Variants in PTPN12 observed in about 807,000 individuals in gnomAD.
PTPN12 encodes the protein tyrosine-protein phosphatase non-receptor type 12.
In PTPN12, 29 loss-of-function variants were observed where a neutral mutation model predicts 97.6. The observed-to-expected ratio is 0.30, with a 90% CI of 0.22 to 0.41. The LOEUF (loss-of-function observed/expected upper bound fraction) is 0.41. Ranked by LOEUF, PTPN12 falls within the 10% of genes least tolerant of loss-of-function variation. The pLI is 1.00. For missense variants in PTPN12, 819 were observed against 926.0 expected (o/e 0.88, Z 1.50); for synonymous variants, 327 against 300.4 (o/e 1.09, Z -0.91).
At chr7:77,605,552 T>C (rs974201979) in intron 8 of PTPN12, among the ~76,000 whole-genome samples, 9 of 151,032 alleles carry the variant, frequency 6.0e-5, no homozygotes, top group Non-Finnish European at 1.3e-4. Context: ...CCCAAGTAGC[T>C]GGGATTACAG....
At position 77,553,388 on chromosome 7, in the gene PTPN12, C is replaced by T. The variant is rs192737757; in HGVS notation, c.99+15743C>T. 2.5e-4 allele frequency among the ~76,000 whole-genome samples: 38 copies of T among 152,278 alleles called. 1 individual carries two copies. Among genetic ancestry groups the T allele is most frequent in the Admixed American group, 2.1e-3 (32 of 15,294 alleles). ...TCTGTCCATTTCTGATAGAGGAGTACGGAAGTCTTCAACTATAATAGTGGA... is the reference window on the plus strand; with the variant it reads ...TCTGTCCATTTCTGATAGAGGAGTATGGAAGTCTTCAACTATAATAGTGGA... On this transcript the variant is annotated intron_variant, in intron 1 of 17. Transcript: ENST00000248594.
chr7:77,637,129 A>G (rs1209567959), intron 16 of PTPN12, 81 bp downstream of exon 16: 2 of 1,115,506 alleles, frequency 1.8e-6, no homozygotes, highest in Non-Finnish European at 2.6e-6. Context: ...TTCATAGTTC[A>G]TGCTATATAG....
chr7:77,634,765 A>G (rs1442737482), intron 14 of PTPN12, among the ~76,000 whole-genome samples: 1 of 151,150 alleles, frequency 6.6e-6, no homozygotes, highest in Admixed American at 6.6e-5. Context: ...TTTTTAGTAG[A>G]GACAGGGTTT....
intron 1 of PTPN12, among the ~76,000 whole-genome samples, chr7:77,566,172 C>G (rs550976658): frequency 6.6e-6 from 1 of 152,300 alleles, no homozygotes; most frequent in Admixed American, 6.5e-5. Flanking sequence ...AGGGTTACTG[C>G]TAGTCATAGT....
At chr7:77,612,787 G>T (rs531173881) in intron 11 of PTPN12, among the ~76,000 whole-genome samples, 2 of 149,252 alleles carry the variant, frequency 1.3e-5, no homozygotes, top group South Asian at 2.1e-4. Context: ...TTGTTTTTTG[G>T]TTTTTGGTTT....
In PTPN12 at chr7:77,583,422, A is replaced by AT. The variant is rs1336165844; in HGVS notation, c.286-133_286-132insT. On this transcript the variant is annotated intron_variant, in intron 3 of 17. Transcript: ENST00000248594. ...TTTGCCATGCTTTAATATACTATGA[A>AT]AGACACATTATTTGGAAATGGTTTA... is the stretch of plus-strand genomic sequence containing the variant. The AT allele has an allele frequency of 1.8e-5, 11 of 622,036 alleles. No individual in the cohort carries two copies. In the African/African-American group the frequency reaches 2.0e-4, roughly 11 times the overall value. 38.5% of individuals were successfully genotyped at this position (622,036 alleles called of 1,614,324 possible). A position where few individuals can be genotyped will look rare whatever the true frequency, so the allele number is the denominator to read the frequency against.
intron 2 of PTPN12, among the ~76,000 whole-genome samples, chr7:77,574,681 TATATG>T (rs990081894): frequency 1.3e-5 from 2 of 152,138 alleles, no homozygotes; most frequent in Non-Finnish European, 2.9e-5. Context: ...CTCGCCAAAA[TATATG>T]AGTGTCAGCG....
Position 77,610,950 on chromosome 7 carries a change from G to A in PTPN12, c.843G>A (p.Glu281=), listed in dbSNP as rs1788548741. 6.2e-7 allele frequency: 1 copy of A among 1,604,752 alleles called. No individual in the cohort carries two copies. Among genetic ancestry groups the A allele is most frequent in the Non-Finnish European group, 8.5e-7 (1 of 1,176,388 alleles). The change falls in exon 11 of 18, where the codon GAG becomes GAA. Residue 281 remains glutamate (E), a splice_region_variant and synonymous_variant. Coordinates refer to ENST00000248594, the MANE Select transcript of PTPN12 (RefSeq NM_002835.4). ...TQRHSAVQTK[E]QYELVHRAIA... ...TTAATCATTTTTCTCCTTCATAGGA[G>A]CAATATGAACTTGTTCATAGAGCTA... is the stretch of plus-strand genomic sequence containing the variant.
intron 5 of PTPN12, among the ~76,000 whole-genome samples, chr7:77,589,219 C>T (rs1325140415): frequency 6.6e-6 from 1 of 152,140 alleles, no homozygotes; most frequent in East Asian, 1.9e-4. Flanking sequence ...GTTAATACCA[C>T]AGTATGTTTT....
intron 11 of PTPN12, among the ~76,000 whole-genome samples, chr7:77,613,548 T>C (rs1236961035): frequency 6.6e-6 from 1 of 152,128 alleles, no homozygotes; most frequent in Non-Finnish European, 1.5e-5. Flanking sequence ...CTAAAGTTTT[T>C]ATATCTGGAA....
At chr7:77,625,007 T>C (rs1458817586) in intron 12 of PTPN12, among the ~76,000 whole-genome samples, 1 of 151,870 alleles carries the variant, frequency 6.6e-6, no homozygotes, top group East Asian at 2.0e-4. Context: ...TGGTGGCATG[T>C]GCCTGTAGTC....
chr7:77,612,924 A>G (rs1313145262), intron 11 of PTPN12, among the ~76,000 whole-genome samples: 4 of 150,678 alleles, frequency 2.7e-5, no homozygotes, highest in Admixed American at 2.0e-4. Context: ...GGCATGTATC[A>G]CCACATCCAG....
chr7:77,609,497 T>C (rs185583995), intron 9 of PTPN12, among the ~76,000 whole-genome samples: 39 of 151,686 alleles, frequency 2.6e-4, no homozygotes, highest in African/African-American at 8.9e-4. Context: ...CTCAAACTCC[T>C]GACCTCAGGT....
intron 1 of PTPN12, among the ~76,000 whole-genome samples, chr7:77,547,573 C>A (rs9691978): frequency 1 from 152,173 of 152,270 alleles, 76,038 homozygotes; most frequent in East Asian, 1. Context: ...GCTCTAATAC[C>A]TACCTGGAAA....
chr7:77,539,523 C>T (rs1806847106), intron 1 of PTPN12, among the ~76,000 whole-genome samples: 2 of 152,004 alleles, frequency 1.3e-5, no homozygotes, highest in African/African-American at 4.8e-5. Context: ...TGGATGGAGT[C>T]CCTTTTTTAC....
At chr7:77,604,611 G>T (rs534362271) in intron 8 of PTPN12, among the ~76,000 whole-genome samples, 1 of 152,140 alleles carries the variant, frequency 6.6e-6, no homozygotes, top group South Asian at 2.1e-4. Context: ...CTGCCTGTTT[G>T]CAATACATAA....
At chr7:77,589,805 C>T (rs1787808683) in intron 5 of PTPN12, among the ~76,000 whole-genome samples, 1 of 152,022 alleles carries the variant, frequency 6.6e-6, no homozygotes, top group South Asian at 2.1e-4. Context: ...ATGTCATTCT[C>T]CTAATGTTTT....
At chr7:77,547,772 G>A (rs1407050587) in intron 1 of PTPN12, among the ~76,000 whole-genome samples, 1 of 152,166 alleles carries the variant, frequency 6.6e-6, no homozygotes. Flanking sequence ...GTTTTTGAAG[G>A]AAGAGTTTGT....
At chr7:77,632,523 T>G (rs1050098731) in intron 14 of PTPN12, 98 bp downstream of exon 14, 35 of 875,638 alleles carry the variant, frequency 4.0e-5, no homozygotes, top group Middle Eastern at 2.4e-4. Context: ...TGCTACATAA[T>G]TAAATTCAAA....
Sources: allele counts gnomAD v4.1 joint callset (sites outside exome capture counted in the v4.1 genomes callset), GRCh38; gene constraint gnomAD v4.1.1; transcripts MANE v1.5; gene names NCBI Gene and HGNC (gene_info 2026-07-23, HGNC 2026-07-21).